The following NEB variants were observed in gnomAD, a reference collection of about 807,000 sequenced individuals.
NEB encodes the protein nebulin.
Under a neutral mutation model 952.2 loss-of-function variants are expected in NEB, and 512 were observed. That is an observed-to-expected ratio of 0.54 (90% confidence interval 0.50 to 0.58). The LOEUF (loss-of-function observed/expected upper bound fraction) is 0.58. Among genes scored for constraint, NEB ranks in the 20% least tolerant of loss-of-function variants. The pLI, the probability that NEB is intolerant of heterozygous loss-of-function variation, is 0.00. For synonymous variants in NEB, 2,900 were observed against 3,149.8 expected (o/e 0.92, Z 2.66); for missense variants, 8,428 against 9,231.1 (o/e 0.91, Z 3.56).
At position 151,569,357 on chromosome 2, in the gene NEB, C is replaced by A; in HGVS notation, c.17446G>T (p.Asp5816Tyr). 6.2e-7 allele frequency: 1 copy of A among 1,613,854 alleles called. No homozygotes were observed. Among genetic ancestry groups the A allele is most frequent in the Non-Finnish European group, 8.5e-7 (1 of 1,179,778 alleles). The change falls in exon 110 of 182, where the codon GAC (aspartate) becomes TAC (tyrosine). Residue 5816 changes from aspartate (D) to tyrosine (Y), a missense_variant. Asp to Tyr is a radical substitution (Grantham distance 160). Around this residue, in one of 11 missense-constraint regions of NEB, gnomAD observed 3,374 missense variants for 3,651.5 expected, o/e 0.92. Transcript: ENST00000397345. ...ELQSDNVYKA[D>Y]LEWLRGIGWM... ...CCAATTCCACGCAACCATTCCAAGT[C>A]AGCCTTGTAAACATTCTGTGAAAAC...
Position 151,568,105 on chromosome 2 carries a change from A to T in NEB, c.17810T>A (p.Val5937Asp). 6.2e-7 allele frequency: 1 copy of T among 1,613,734 alleles called. No individual in the cohort carries two copies. The highest frequency in any genetic ancestry group is 8.5e-7 in the Non-Finnish European group (1 of 1,179,740). Residue 5937 changes from valine (V) to aspartate (D), a missense_variant, in exon 113 of 182, where the codon GTT becomes GAT. Val to Asp is a radical substitution (Grantham distance 152). This residue lies in a region of NEB where 3,374 missense variants were observed against 3,651.5 expected (regional missense o/e 0.92). Coordinates refer to ENST00000397345, the MANE Select transcript of NEB (RefSeq NM_001164508.2). ...AACGTCATTGCAGTGATGGGCATGA[A>T]CAAATGGCACAGCATCTGGAGGCAA... ...YILPPDAVPF[V>D]HAHHCNDVQS... is the part of the protein sequence containing the mutation.
intron 165 of NEB, among the ~76,000 whole-genome samples, chr2:151,504,059 G>T (rs1175614832): frequency 6.6e-6 from 1 of 152,032 alleles, no homozygotes; most frequent in Non-Finnish European, 1.5e-5. Context: ...TTTAGTAGTA[G>T]TATCTAAGGA....
chr2:151,540,485 G>A (rs1221505499), intron 137 of NEB, 37 bp from the exon 138 acceptor site: 3 of 1,480,302 alleles, frequency 2.0e-6, no homozygotes, highest in Non-Finnish European at 2.8e-6. Context: ...ACAAGCTTAA[G>A]TGTCTTCCCA....
rs1243830877 is a variant in NEB at position 151,664,890 on chromosome 2, T to C, written c.5239-27A>G. 5.9e-6 allele frequency: 9 copies of C among 1,531,384 alleles called. No individual in the cohort carries two copies. In the Admixed American group the frequency reaches 1.4e-4, roughly 24 times the overall value. 94.9% of individuals were successfully genotyped at this position (1,531,384 alleles called of 1,614,324 possible). ...TGCAATGAGAAAGTCAGGTGCATGATTTTACAGCAGGACAAGTTTGACCCA... is the reference window on the plus strand; with the variant it reads ...TGCAATGAGAAAGTCAGGTGCATGACTTTACAGCAGGACAAGTTTGACCCA... On this transcript the variant is annotated intron_variant, in intron 42 of 181. Transcript: ENST00000397345.
intron 161 of NEB, among the ~76,000 whole-genome samples, chr2:151,511,111 G>A (rs2073930750): frequency 6.6e-6 from 1 of 152,354 alleles, no homozygotes; most frequent in African/African-American, 2.4e-5. Flanking sequence ...TCCACATGCT[G>A]AAGCTTTCGT....
In NEB at chr2:151,562,221, GA is replaced by G; in HGVS notation, c.18892-8del. 1 of 1,588,124 alleles carries G rather than the reference GA, an allele frequency of 6.3e-7. No homozygotes were observed. Among genetic ancestry groups the G allele is most frequent in the Non-Finnish European group, 8.6e-7 (1 of 1,156,488 alleles). ...GGTCATCTTTATACACATTCTGCAA[GA>G]AAGAGAGAACAATGAAATGTGGAAG... On this transcript the variant is annotated splice_polypyrimidine_tract_variant and splice_region_variant and intron_variant, in intron 120 of 181. Transcript: ENST00000397345.
chr2:151,728,183 C>T (rs1011498284), intron 4 of NEB, among the ~76,000 whole-genome samples: 2 of 152,174 alleles, frequency 1.3e-5, no homozygotes, highest in Admixed American at 1.3e-4. Context: ...CAGAAAGACA[C>T]TCGAACACTT....
chr2:151,690,583 A>G (rs2099540734), intron 24 of NEB, 144 bp downstream of exon 24: 1 of 680,800 alleles, frequency 1.5e-6, no homozygotes. Flanking sequence ...TAGCAGCCTC[A>G]TTTGTGTTTT....
intron 44 of NEB, among the ~76,000 whole-genome samples, chr2:151,664,132 C>T (rs2099179719): frequency 6.6e-6 from 1 of 152,102 alleles, no homozygotes; most frequent in Non-Finnish European, 1.5e-5. Context: ...GATTTCCCCA[C>T]TCAGTTGTCT....
chr2:151,697,662 A>C lies in NEB; in HGVS notation c.1153-14T>G. ...CTTGTATAGTTTCTGTCAAAGAAAA[A>C]AAATTCAGTTAAAGTAGATTCCTGT... On this transcript the variant is annotated splice_polypyrimidine_tract_variant and intron_variant, in intron 13 of 181. Transcript: ENST00000397345. The C allele has an allele frequency of 1.3e-6, 2 of 1,569,282 alleles. No homozygotes were observed.
At chr2:151,575,620 C>A in intron 107 of NEB, 75 bp downstream of exon 107, 1 of 1,053,712 alleles carries the variant, frequency 9.5e-7, no homozygotes, top group Non-Finnish European at 1.4e-6. Flanking sequence ...TCCATCTTCC[C>A]TCCCTTCCAT....
rs762804942 is a variant in NEB, at chr2:151,520,645, A to T, written c.22480-877T>A. ...TTTAGGAGGCCAAGGTGGGTGAATT[A>T]CTTGAGCCCAGGAGTTTGAGACCAG... On this transcript the variant is annotated intron_variant, in intron 153 of 181. Transcript: ENST00000397345. Among the ~76,000 whole-genome samples the T allele has an allele frequency of 3.9e-5, 6 of 152,276 alleles. No individual in the cohort carries two copies. In the East Asian group the frequency reaches 5.8e-4, roughly 15 times the overall value.
intron 117 of NEB, among the ~76,000 whole-genome samples, chr2:151,564,555 G>C (rs1276464666): frequency 6.6e-6 from 1 of 152,048 alleles, no homozygotes; most frequent in Non-Finnish European, 1.5e-5. Context: ...TTTCCCATTG[G>C]GTGCACACAT....
rs545764197 is a variant in NEB at position 151,721,832 on chromosome 2, C to T, written c.717+1550G>A. Among the ~76,000 whole-genome samples the T allele has an allele frequency of 7.6e-4, 115 of 152,296 alleles. 1 individual carries two copies. Among genetic ancestry groups the T allele is most frequent in the Admixed American group, 2.6e-3 (40 of 15,300 alleles). On this transcript the variant is annotated intron_variant, in intron 9 of 181. Transcript: ENST00000397345. ...TTGAAAGAGAAGCAAGAAGTACTCA[C>T]ACAATAAAATTGGTATCATGTGCTA...
At position 151,657,980 on chromosome 2, in the gene NEB, T is replaced by C; in HGVS notation, c.6183+3A>G. The C allele has an allele frequency of 6.3e-7, 1 of 1,591,922 alleles. No individual in the cohort carries two copies. Among genetic ancestry groups the C allele is most frequent in the Non-Finnish European group, 8.6e-7 (1 of 1,162,442 alleles). On this transcript the variant is annotated splice_donor_region_variant and intron_variant, in intron 48 of 181. Coordinates refer to ENST00000397345, the MANE Select transcript of NEB (RefSeq NM_001164508.2). ...GCCAGGTGACCGTTTCCTTTGGACT[T>C]ACATCACTTGCAATATCTCTGGAAG... is the stretch of plus-strand genomic sequence containing the variant.
At chr2:151,641,603 T>A (rs2098848423) in intron 60 of NEB, among the ~76,000 whole-genome samples, 1 of 152,200 alleles carries the variant, frequency 6.6e-6, no homozygotes, top group African/African-American at 2.4e-5. Context: ...AGCACTGGGA[T>A]TACAGGTGTG....
Position 151,614,349 on chromosome 2 carries a change from A to G in NEB, c.11528T>C (p.Leu3843Pro). The G allele has an allele frequency of 6.2e-7, 1 of 1,613,926 alleles. No individual in the cohort carries two copies. Among genetic ancestry groups the G allele is most frequent in the East Asian group, 2.2e-5 (1 of 44,878 alleles). ...ATCAGGCAGGCAGGTCCATTCATGC[A>G]GGGGATGCTTGTAGTCTATGTCGCT... Reference protein sequence around the residue: ...LVSDIDYKHPLHEWTCLPDQN... With the variant: ...LVSDIDYKHPPHEWTCLPDQN... The change falls in exon 77 of 182, where the codon CTG becomes CCG. Residue 3843 changes from leucine (L) to proline (P), a missense_variant. Leu to Pro is a moderately conservative substitution (Grantham distance 98). Transcript: ENST00000397345.
intron 9 of NEB, among the ~76,000 whole-genome samples, chr2:151,723,041 T>C (rs1157893493): frequency 6.6e-6 from 1 of 152,142 alleles, no homozygotes; most frequent in African/African-American, 2.4e-5. Flanking sequence ...ACAGAACAAC[T>C]TCAACCAGAG....
At chr2:151,676,303 C>T (rs2154201620) in intron 34 of NEB, among the ~76,000 whole-genome samples, 1 of 152,328 alleles carries the variant, frequency 6.6e-6, no homozygotes, top group African/African-American at 2.4e-5. Context: ...CGACCTTCTA[C>T]ACAGCTCCTT....
Sources: gnomAD v4.1 joint callset for allele counts (sites outside exome capture counted in the v4.1 genomes callset) on GRCh38, gnomAD v4.1.1 for gene constraint, gnomAD v4.1.1 regional missense constraint, MANE v1.5 for transcripts, NCBI Gene and HGNC (gene_info 2026-07-23, HGNC 2026-07-21) for gene names.